NEIL3: variants seen among roughly 807,000 people sequenced by gnomAD.
NEIL3 encodes the protein nei like DNA glycosylase 3.
In NEIL3, 48 loss-of-function variants were observed where a neutral mutation model predicts 57.5. The observed-to-expected ratio is 0.83, with a 90% CI of 0.66 to 1.06. The LOEUF (loss-of-function observed/expected upper bound fraction) is 1.06. Among genes scored for constraint, NEIL3 ranks in the 50% least tolerant of loss-of-function variants. The pLI is 0.00. For synonymous variants in NEIL3, 261 were observed against 253.2 expected, an observed-to-expected ratio of 1.03 and a Z score of -0.29; for missense variants, 717 against 739.1, an observed-to-expected ratio of 0.97 and a Z score of 0.35.
chr4:177,319,411 A>G (rs1734632112), intron 1 of NEIL3, among the ~76,000 whole-genome samples: 1 of 152,150 alleles, frequency 6.6e-6, no homozygotes, highest in African/African-American at 2.4e-5. Flanking sequence ...GGCCAATCGG[A>G]CATTAGATAG....
chr4:177,315,621 A>T (rs17064609), intron 1 of NEIL3, among the ~76,000 whole-genome samples: 10,665 of 152,220 alleles, frequency 0.07, 1,118 homozygotes, highest in African/African-American at 0.23. Flanking sequence ...ATGGTAGGAC[A>T]AGTGAATATC....
intron 6 of NEIL3, among the ~76,000 whole-genome samples, chr4:177,344,474 A>G (rs994523111): frequency 6.6e-6 from 1 of 152,002 alleles, no homozygotes; most frequent in African/African-American, 2.4e-5. Context: ...AGCTTACTGA[A>G]CTCATGAAGT....
At chr4:177,354,454 G>A (rs796439708) in intron 8 of NEIL3, among the ~76,000 whole-genome samples, 52 of 152,192 alleles carry the variant, frequency 3.4e-4, no homozygotes, top group African/African-American at 9.4e-4. Context: ...TAAGTATACT[G>A]TGTTCTAAAA....
Position 177,335,766 on chromosome 4 carries a change from G to C in NEIL3, c.357G>C (p.Leu119Phe), listed in dbSNP as rs114922382. ...ATAAAAATGGAGCTTCTCCTGTTTT[G>C]GAAGTGCAGCTCACCAAAGATTTGA... ...YKYKNGASPV[L>F]EVQLTKDLIC... Residue 119 changes from leucine (L) to phenylalanine (F), a missense_variant, in exon 3 of 10, where the codon TTG (leucine) becomes TTC (phenylalanine). Transcript: ENST00000264596. The C allele has an allele frequency of 2.0e-5, 32 of 1,590,714 alleles. No individual in the cohort carries two copies. In the East Asian group the frequency reaches 6.5e-4, roughly 32 times the overall value.
At chr4:177,365,577 G>A (rs541446481), downstream of NEIL3, among the ~76,000 whole-genome samples, 4 of 152,102 alleles carry the variant, frequency 2.6e-5, no homozygotes, top group Non-Finnish European at 4.4e-5. Flanking sequence ...TACTCTGACT[G>A]CAGTGTGGAG....
intron 2 of NEIL3, among the ~76,000 whole-genome samples, chr4:177,329,243 A>C (rs1270833142): frequency 1.3e-5 from 2 of 152,318 alleles, no homozygotes; most frequent in East Asian, 3.9e-4. Flanking sequence ...CAGTATATTT[A>C]AATCAAAGCA....
chr4:177,331,474 G>T (rs1734883290), intron 2 of NEIL3, among the ~76,000 whole-genome samples: 1 of 150,876 alleles, frequency 6.6e-6, no homozygotes, highest in Admixed American at 6.6e-5. Flanking sequence ...TATAAAATTT[G>T]ATTAAGAATC....
intron 1 of NEIL3, among the ~76,000 whole-genome samples, chr4:177,321,473 A>G (rs983480697): frequency 2.6e-5 from 4 of 152,162 alleles, no homozygotes; most frequent in Non-Finnish European, 5.9e-5. Context: ...AAATAATGAC[A>G]TAAGAAACAC....
chr4:177,350,156 A>G (rs1454584170), intron 6 of NEIL3, among the ~76,000 whole-genome samples: 4 of 152,242 alleles, frequency 2.6e-5, no homozygotes, highest in Non-Finnish European at 4.4e-5. Flanking sequence ...AATTATATGT[A>G]AGGAACAAAA....
chr4:177,341,457 T>TG lies in NEIL3; in HGVS notation c.703-17dup, dbSNP rs769860863. 1.5e-4 allele frequency: 233 copies of TG among 1,543,010 alleles called. No homozygotes were observed. The highest frequency in any genetic ancestry group is 1.8e-4 in the Non-Finnish European group (204 of 1,146,794). On this transcript the variant is annotated intron_variant, in intron 5 of 9. Coordinates refer to ENST00000264596, the MANE Select transcript of NEIL3 (RefSeq NM_018248.3). ...CTGTTTTGTGGATAACAGAATTTTT[T>TG]GGTTTTTTTTTTTTTTAGTGCCGTA...
chr4:177,312,127 T>G (rs1175027110), intron 1 of NEIL3, among the ~76,000 whole-genome samples: 7 of 152,210 alleles, frequency 4.6e-5, no homozygotes, highest in Non-Finnish European at 7.3e-5. Context: ...TGGCATGAGA[T>G]GCTTTTACAT....
At chr4:177,347,118 A>T (rs1735238549) in intron 6 of NEIL3, among the ~76,000 whole-genome samples, 1 of 152,180 alleles carries the variant, frequency 6.6e-6, no homozygotes, top group African/African-American at 2.4e-5. Context: ...GCGGATAGTG[A>T]CGGAGACGGC....
At chr4:177,345,574 G>T (rs921642351) in intron 6 of NEIL3, among the ~76,000 whole-genome samples, 35 of 151,756 alleles carry the variant, frequency 2.3e-4, no homozygotes, top group Non-Finnish European at 4.6e-4. Flanking sequence ...CGTAGAGATG[G>T]CGTTTCCCAT....
intron 4 of NEIL3, among the ~76,000 whole-genome samples, chr4:177,338,375 C>T (rs1400754793): frequency 6.6e-6 from 1 of 152,164 alleles, no homozygotes; most frequent in African/African-American, 2.4e-5. Flanking sequence ...TCCATACATA[C>T]TGAAGTCCTG....
chr4:177,310,920 T>C (rs35503072), intron 1 of NEIL3, among the ~76,000 whole-genome samples: 77 of 152,358 alleles, frequency 5.1e-4, no homozygotes, highest in African/African-American at 1.7e-3. Flanking sequence ...TGCTATGAAA[T>C]TAGCATATGC....
chr4:177,365,399 T>C (rs543735712), downstream of NEIL3, among the ~76,000 whole-genome samples: 1 of 152,302 alleles, frequency 6.6e-6, no homozygotes, highest in South Asian at 2.1e-4. Flanking sequence ...TGAATGTGAA[T>C]TATAGGACAA....
At chr4:177,358,205 T>C (rs1191615991) in intron 8 of NEIL3, among the ~76,000 whole-genome samples, 1 of 152,196 alleles carries the variant, frequency 6.6e-6, no homozygotes, top group Non-Finnish European at 1.5e-5. Context: ...GATATGTCTG[T>C]GTTTTCTAAC....
downstream of NEIL3, among the ~76,000 whole-genome samples, chr4:177,364,103 A>G (rs1735660380): frequency 6.6e-6 from 1 of 152,166 alleles, no homozygotes; most frequent in Admixed American, 6.5e-5. Flanking sequence ...TTCAAACAAG[A>G]ACAAAAACAA....
intron 1 of NEIL3, among the ~76,000 whole-genome samples, chr4:177,315,434 C>A (rs1040428528): frequency 6.6e-6 from 1 of 152,076 alleles, no homozygotes; most frequent in Non-Finnish European, 1.5e-5. Context: ...TCAGAAAAAA[C>A]TAAAAAGGAT....
Sources: gnomAD v4.1 joint callset for allele counts (sites outside exome capture counted in the v4.1 genomes callset) on GRCh38, gnomAD v4.1.1 for gene constraint, MANE v1.5 for transcripts, NCBI Gene and HGNC (gene_info 2026-07-23, HGNC 2026-07-21) for gene names.